Variants in SVEP1 observed in about 807,000 individuals in gnomAD.
SVEP1 encodes the protein sushi, von Willebrand factor type A, EGF and pentraxin domain containing 1.
A neutral mutation model predicts 367.3 loss-of-function variants in SVEP1; 164 were observed. The ratio of observed to expected loss-of-function variants is 0.45; its 90% CI spans 0.39 to 0.51. SVEP1 has a LOEUF of 0.51. Among genes scored for constraint, SVEP1 ranks in the 20% least tolerant of loss-of-function variants. The pLI, the probability that SVEP1 is intolerant of heterozygous loss-of-function variation, is 0.00. For synonymous variants in SVEP1, 1,666 were observed against 1,611.6 expected, an observed-to-expected ratio of 1.03 and a Z score of -0.81; for missense variants, 4,117 against 4,425.3, an observed-to-expected ratio of 0.93 and a Z score of 1.98.
chr9:110,422,730 A>G (rs1409025999), intron 36 of SVEP1, among the ~76,000 whole-genome samples: 2 of 128,466 alleles, frequency 1.6e-5, no homozygotes, highest in Non-Finnish European at 3.3e-5. Context: ...CAAATGTCCA[A>G]CAATGATAGA....
intron 35 of SVEP1, among the ~76,000 whole-genome samples, chr9:110,428,792 C>A (rs1271116915): frequency 6.6e-6 from 1 of 152,084 alleles, no homozygotes; most frequent in Non-Finnish European, 1.5e-5. Flanking sequence ...GTAAAGAATA[C>A]AGGCACGGTG....
At chr9:110,436,685 G>A (rs1320125208) in intron 27 of SVEP1, among the ~76,000 whole-genome samples, 181 bp from the exon 28 acceptor site, 1 of 152,136 alleles carries the variant, frequency 6.6e-6, no homozygotes, top group Non-Finnish European at 1.5e-5. Context: ...GTTTTATATA[G>A]CAACTTAAAA....
intron 8 of SVEP1, among the ~76,000 whole-genome samples, chr9:110,490,175 C>T (rs73655385): frequency 0.028 from 4,285 of 152,154 alleles, 192 homozygotes; most frequent in African/African-American, 0.098. Flanking sequence ...ATAATTTAAA[C>T]ATATTTTTTC....
Position 110,483,638 on chromosome 9 carries a change from C to T in SVEP1, c.1986G>A (p.Ser662=), listed in dbSNP as rs144291523. 15 of 1,611,498 alleles carry T rather than the reference C, an allele frequency of 9.3e-6. No individual in the cohort carries two copies. In the Admixed American group the frequency reaches 1.0e-4, roughly 11 times the overall value. Residue 662 remains serine (S), a synonymous_variant, in exon 10 of 48, where the codon TCG becomes TCA. Transcript: ENST00000374469. ...CCCAGCTTGCGGCATGTACCTTCTC[C>T]GAGACCTGGACGGGAGGTGGAGATC... is the stretch of plus-strand genomic sequence containing the variant. ...WCRSPPPVQV[S]EKVHAASWDE...
chr9:110,393,520 G>T (rs1827701217), intron 40 of SVEP1, among the ~76,000 whole-genome samples: 1 of 152,182 alleles, frequency 6.6e-6, no homozygotes, highest in African/African-American at 2.4e-5. Context: ...GCCAGACAGT[G>T]GGTGCAGTGC....
chr9:110,454,736 C>T (rs1275145071), intron 22 of SVEP1, among the ~76,000 whole-genome samples: 1 of 152,096 alleles, frequency 6.6e-6, no homozygotes, highest in Non-Finnish European at 1.5e-5. Flanking sequence ...CATGTTCTCA[C>T]TTAAAATGGG....
intron 18 of SVEP1, among the ~76,000 whole-genome samples, chr9:110,463,542 T>C (rs1187296464): frequency 1.0e-5 from 1 of 98,888 alleles, no homozygotes; most frequent in Non-Finnish European, 2.3e-5. Context: ...AAATCAGTAA[T>C]AAAAATAGTA....
chr9:110,441,543 T>C (rs149073405), intron 27 of SVEP1, among the ~76,000 whole-genome samples: 18 of 152,332 alleles, frequency 1.2e-4, no homozygotes, highest in African/African-American at 4.3e-4. Context: ...ACTGGCTGGA[T>C]TGGCGCTTGG....
chr9:110,407,076 C>T lies in SVEP1; in HGVS notation c.8524G>A (p.Gly2842Ser), dbSNP rs990247145. 2 of 1,613,962 alleles carry T rather than the reference C, an allele frequency of 1.2e-6. No homozygotes were observed. The highest frequency in any genetic ancestry group is 2.2e-5 in the South Asian group (2 of 91,064). Residue 2842 changes from glycine (G) to serine (S), a missense_variant, in exon 38 of 48, where the codon GGC becomes AGC. Transcript: ENST00000374469. ...GTGTACTCGTCTCCTCTCACCTGGC[C>T]ATTGGCTGAGACTGGGGGTGAACTG... ...DCSSPPVSAN[G>S]QVRGDEYTFQ...
Position 110,429,310 on chromosome 9 carries a change from G to A in SVEP1, c.5640C>T (p.Ala1880=), listed in dbSNP as rs373767674. Reference sequence around the variant, plus strand: ...CAAGACAGGATGATTCTTTATCACCGGCCAGAGTATATCCTTTATTACACC... The same window carrying A: ...CAAGACAGGATGATTCTTTATCACCAGCCAGAGTATATCCTTTATTACACC... ...TYRCNKGYTL[A]GDKESSCLAN... Residue 1880 remains alanine, a synonymous_variant, in exon 35 of 48, where the codon GCC becomes GCT. Coordinates refer to ENST00000374469, the MANE Select transcript of SVEP1 (RefSeq NM_153366.4). The A allele has an allele frequency of 1.7e-5, 27 of 1,581,276 alleles. No homozygotes were observed. Among genetic ancestry groups the A allele is most frequent in the African/African-American group, 1.2e-4 (9 of 73,958 alleles).
chr9:110,396,120 T>C (rs1417349188), intron 40 of SVEP1, among the ~76,000 whole-genome samples: 1 of 152,172 alleles, frequency 6.6e-6, no homozygotes, highest in African/African-American at 2.4e-5. Context: ...TCAGCAAATG[T>C]AAAAGAACAG....
intron 3 of SVEP1, among the ~76,000 whole-genome samples, chr9:110,522,010 G>A (rs1004536340): frequency 6.6e-6 from 1 of 151,996 alleles, no homozygotes; most frequent in Non-Finnish European, 1.5e-5. Flanking sequence ...TTAGGCAAAG[G>A]AATATTAAAT....
intron 3 of SVEP1, among the ~76,000 whole-genome samples, chr9:110,531,904 TAA>T: frequency 6.6e-6 from 1 of 152,134 alleles, no homozygotes; most frequent in East Asian, 1.9e-4. Context: ...CCACATAACA[TAA>T]AAGAGATAAA....
chr9:110,575,053 C>A (rs1217350464), intron 1 of SVEP1, among the ~76,000 whole-genome samples: 1 of 152,118 alleles, frequency 6.6e-6, no homozygotes, highest in South Asian at 2.1e-4. Context: ...CCGAGTCCAG[C>A]TGACCTTCTT....
At chr9:110,524,232 C>A (rs1829913423) in intron 3 of SVEP1, among the ~76,000 whole-genome samples, 1 of 151,446 alleles carries the variant, frequency 6.6e-6, no homozygotes, top group Non-Finnish European at 1.5e-5. Context: ...AAATATCTAC[C>A]AAAAAAAATA....
chr9:110,534,158 T>C (rs1239351718), intron 3 of SVEP1, among the ~76,000 whole-genome samples: 2 of 152,146 alleles, frequency 1.3e-5, no homozygotes, highest in Non-Finnish European at 2.9e-5. Flanking sequence ...AGTTATTTTT[T>C]CTGATCCTCT....
intron 12 of SVEP1, among the ~76,000 whole-genome samples, chr9:110,480,809 T>G (rs956657962): frequency 5.3e-5 from 8 of 151,178 alleles, no homozygotes; most frequent in Admixed American, 4.6e-4. Flanking sequence ...TTTTTTTTTT[T>G]TAATATTTTT....
At chr9:110,482,340 G>C (rs372669438) in intron 11 of SVEP1, 21 bp downstream of exon 11, 23 of 1,604,474 alleles carry the variant, frequency 1.4e-5, no homozygotes, top group Non-Finnish European at 1.9e-5. Flanking sequence ...CTAGAATTCT[G>C]GGGACTTATG....
In SVEP1 at chr9:110,476,264, TCTC is replaced by T. The variant is rs774116059; in HGVS notation, c.2536_2538del (p.Glu846del). 7 of 1,613,570 alleles carry T rather than the reference TCTC, an allele frequency of 4.3e-6. No homozygotes were observed. Among genetic ancestry groups the T allele is most frequent in the Admixed American group, 3.3e-5 (2 of 59,962 alleles). On this transcript the variant is annotated inframe_deletion, in exon 14 of 48. Coordinates refer to ENST00000374469, the MANE Select transcript of SVEP1 (RefSeq NM_153366.4). ...TCTAGGCAATATTTTTTGGTCAGGT[TCTC>T]CTCCAGTCTGCAGTCAATGTCCTCT...
Sources: gnomAD v4.1 joint callset for allele counts (sites outside exome capture counted in the v4.1 genomes callset) on GRCh38, gnomAD v4.1.1 for gene constraint, MANE v1.5 for transcripts, NCBI Gene and HGNC (gene_info 2026-07-23, HGNC 2026-07-21) for gene names.